MMP16: variants seen among roughly 807,000 people sequenced by gnomAD.
MMP16 encodes the protein matrix metallopeptidase 16, also known as matrix metalloproteinase-16.
Under a neutral mutation model 67.8 loss-of-function variants are expected in MMP16, and 12 were observed. That is an observed-to-expected ratio of 0.18 (90% CI 0.11 to 0.29). The LOEUF is 0.29. Ranked by LOEUF, MMP16 falls within the 10% of genes least tolerant of loss-of-function variation. MMP16 has a pLI of 1.00. For missense variants in MMP16, 475 were observed against 765.7 expected (o/e 0.62, Z 4.48); for synonymous variants, 249 against 255.9 (o/e 0.97, Z 0.26).
intron 1 of MMP16, among the ~76,000 whole-genome samples, chr8:88,225,942 C>A (rs928571583): frequency 4.6e-5 from 7 of 151,756 alleles, no homozygotes; most frequent in Admixed American, 2.6e-4. Flanking sequence ...GTAGAAATAG[C>A]GCATTCATTC....
intron 1 of MMP16, among the ~76,000 whole-genome samples, chr8:88,259,824 G>A (rs1810359091): frequency 6.6e-6 from 1 of 152,136 alleles, no homozygotes; most frequent in South Asian, 2.1e-4. Context: ...AGCTACTACT[G>A]AGCACCCTGC....
chr8:88,093,889 T>C (rs1280854571), intron 6 of MMP16, among the ~76,000 whole-genome samples: 1 of 151,856 alleles, frequency 6.6e-6, no homozygotes, highest in East Asian at 1.9e-4. Context: ...ACACTATAAA[T>C]GTTTCATGTT....
At chr8:88,280,624 T>C (rs1810718293) in intron 1 of MMP16, among the ~76,000 whole-genome samples, 1 of 152,160 alleles carries the variant, frequency 6.6e-6, no homozygotes, top group South Asian at 2.1e-4. Flanking sequence ...TGCCCAGGCA[T>C]GGATGCCTAT....
At chr8:88,100,732 G>A (rs973648494) in intron 6 of MMP16, among the ~76,000 whole-genome samples, 4 of 151,964 alleles carry the variant, frequency 2.6e-5, no homozygotes, top group Admixed American at 2.6e-4. Context: ...CAACCCGAAT[G>A]TCCATCAATG....
At chr8:88,120,339 T>C (rs1202273498) in intron 4 of MMP16, among the ~76,000 whole-genome samples, 3 of 151,962 alleles carry the variant, frequency 2.0e-5, no homozygotes, top group African/African-American at 4.8e-5. Flanking sequence ...AAAGAAGCTA[T>C]ATTCATTTTT....
At chr8:88,099,297 T>C (rs1244408888) in intron 6 of MMP16, among the ~76,000 whole-genome samples, 1 of 151,854 alleles carries the variant, frequency 6.6e-6, no homozygotes, top group South Asian at 2.1e-4. Context: ...TCAGGTCCCA[T>C]ATCACTTCTG....
rs116585276 is a variant in MMP16 at position 88,111,786 on chromosome 8, T to C, written c.1083+4721A>G. ...AATAATTAAGATGTTATGTGATGTT[T>C]ATGAAACAAAACCACCTTGGCAAAT... On this transcript the variant is annotated intron_variant, in intron 6 of 9. Transcript: ENST00000286614. Among the ~76,000 whole-genome samples the C allele has an allele frequency of 2.5e-3, 383 of 151,880 alleles. 3 individuals are homozygous for C. The highest frequency in any genetic ancestry group is 8.5e-3 in the African/African-American group (354 of 41,522).
At chr8:88,237,100 T>C (rs1186646312) in intron 1 of MMP16, among the ~76,000 whole-genome samples, 1 of 152,160 alleles carries the variant, frequency 6.6e-6, no homozygotes, top group African/African-American at 2.4e-5. Context: ...AGCACCTGTC[T>C]GCTTGGTAAT....
chr8:88,120,486 T>C (rs1371157370), intron 4 of MMP16, among the ~76,000 whole-genome samples: 5 of 151,936 alleles, frequency 3.3e-5, no homozygotes, highest in Admixed American at 3.3e-4. Context: ...GGAAGAAGGA[T>C]AGCTTCGGAG....
rs147434265 is a variant in MMP16, at chr8:88,278,250, A to C, written c.132+48825T>G. Among the ~76,000 whole-genome samples the C allele has an allele frequency of 2.0e-5, 3 of 152,288 alleles. No homozygotes were observed. In the East Asian group the frequency reaches 5.8e-4, roughly 29 times the overall value. ...TTTCCCAGCTAACACTAAGCTGTAC[A>C]ACATAGGTATAAAATATAAGATTCG... On this transcript the variant is annotated intron_variant, in intron 1 of 9. Transcript: ENST00000286614.
At chr8:88,262,846 CAAAAAAAAAAAAAAAAA>C (rs71277991) in intron 1 of MMP16, among the ~76,000 whole-genome samples, 5 of 53,472 alleles carry the variant, frequency 9.4e-5, no homozygotes, top group Non-Finnish European at 1.4e-4. Context: ...ACTAAAAATA[CAAAAAAAAAAAAAAAAA>C]AAAAAAAAAA....
intron 1 of MMP16, among the ~76,000 whole-genome samples, chr8:88,300,959 T>A (rs546292907): frequency 7.9e-5 from 12 of 152,324 alleles, no homozygotes; most frequent in African/African-American, 2.9e-4. Context: ...AGACAAAGTT[T>A]ATAATTTTCT....
At chr8:88,315,138 G>A (rs1811357413) in intron 1 of MMP16, among the ~76,000 whole-genome samples, 1 of 152,072 alleles carries the variant, frequency 6.6e-6, no homozygotes, top group African/African-American at 2.4e-5. Context: ...TCCGTTTATT[G>A]CATTTTACCT....
chr8:88,259,661 G>T (rs1810356895), intron 1 of MMP16, among the ~76,000 whole-genome samples: 1 of 151,678 alleles, frequency 6.6e-6, no homozygotes, highest in African/African-American at 2.4e-5. Context: ...AAGGGGAAGG[G>T]ATTCCCAACC....
chr8:88,248,292 C>T (rs1810152222), intron 1 of MMP16, among the ~76,000 whole-genome samples: 5 of 151,902 alleles, frequency 3.3e-5, no homozygotes, highest in Admixed American at 3.3e-4. Flanking sequence ...TATAAGCATG[C>T]ACAAGAAGAC....
intron 2 of MMP16, among the ~76,000 whole-genome samples, chr8:88,191,854 C>G (rs998843663): frequency 3.9e-5 from 6 of 152,216 alleles, no homozygotes; most frequent in African/African-American, 1.4e-4. Flanking sequence ...GAAGGCCGTG[C>G]TTCAACAAAA....
rs537758398 is a variant in MMP16 at position 88,224,376 on chromosome 8, A to G, written c.133-27070T>C. Among the ~76,000 whole-genome samples, 6 of 152,174 alleles carry G rather than the reference A, an allele frequency of 3.9e-5. No individual in the cohort carries two copies. In the East Asian group the frequency reaches 1.2e-3, roughly 29 times the overall value. On this transcript the variant is annotated intron_variant, in intron 1 of 9. Coordinates refer to ENST00000286614, the MANE Select transcript of MMP16 (RefSeq NM_005941.5). ...GGACATTAATAGGTACATATACTAT[A>G]AACAGATAGTTTTGGTAACTTTTGT...
chr8:88,165,818 G>T (rs888527079), intron 4 of MMP16, among the ~76,000 whole-genome samples: 1 of 151,948 alleles, frequency 6.6e-6, no homozygotes, highest in African/African-American at 2.4e-5. Context: ...ACACATTTTT[G>T]AACTAATAAT....
At chr8:88,285,328 T>A (rs1394151939) in intron 1 of MMP16, among the ~76,000 whole-genome samples, 1 of 152,012 alleles carries the variant, frequency 6.6e-6, no homozygotes, top group Non-Finnish European at 1.5e-5. Flanking sequence ...TTAGTAGCGA[T>A]GGGGTTTCAC....
Sources: gnomAD v4.1 joint callset for allele counts (sites outside exome capture counted in the v4.1 genomes callset) on GRCh38, gnomAD v4.1.1 for gene constraint, MANE v1.5 for transcripts, NCBI Gene and HGNC (gene_info 2026-07-23, HGNC 2026-07-21) for gene names.